The following WDR17 variants were observed in gnomAD, a reference collection of about 807,000 sequenced individuals.
The protein encoded by WDR17 is WD repeat-containing protein 17.
A neutral mutation model predicts 161.7 loss-of-function variants in WDR17; 143 were observed. The observed-to-expected ratio is 0.88, with a 90% CI of 0.77 to 1.02. The LOEUF is 1.02. Ranked by LOEUF, WDR17 falls within the 50% of genes least tolerant of loss-of-function variation. WDR17 has a pLI of 0.00. For missense variants in WDR17, 1,469 were observed against 1,520.9 expected (o/e 0.97, Z 0.57); for synonymous variants, 517 against 515.6 (o/e 1.00, Z -0.04).
chr4:176,088,985 G>T (rs375782277), intron 1 of WDR17, among the ~76,000 whole-genome samples: 2 of 152,196 alleles, frequency 1.3e-5, no homozygotes, highest in South Asian at 2.1e-4. Context: ...GTGAAAAGGA[G>T]AAATGAAATT....
At chr4:176,129,531 T>C (rs941899699) in intron 6 of WDR17, among the ~76,000 whole-genome samples, 3 of 152,186 alleles carry the variant, frequency 2.0e-5, no homozygotes, top group Non-Finnish European at 2.9e-5. Flanking sequence ...AAGTCTATCA[T>C]GATTACTCTG....
rs76737914 is a variant in WDR17, at chr4:176,096,099, G to A, written c.-6-15476G>A. ...CATTGTATACCTTTTAACTTAGAAAGCTTCAGTTCCTGAGGTTGAAAATGT... is the reference window on the plus strand; with the variant it reads ...CATTGTATACCTTTTAACTTAGAAAACTTCAGTTCCTGAGGTTGAAAATGT... On this transcript the variant is annotated intron_variant, in intron 1 of 28. Transcript: ENST00000508596. Among the ~76,000 whole-genome samples, 1,164 of 152,078 alleles carry A rather than the reference G, an allele frequency of 7.7e-3. 48 individuals are homozygous for A. In the East Asian group the frequency reaches 0.11, roughly 14 times the overall value.
In WDR17 at chr4:176,146,007, C is replaced by T. The variant is rs149339617; in HGVS notation, c.1542C>T (p.Ala514=). The change falls in exon 12 of 29, where the codon GCC becomes GCT. Residue 514 remains alanine, a synonymous_variant. Transcript: ENST00000508596. ...GATGATATTTCAGAGACATGATAGCCACTGGCTGTGAAGACACAAATGTTC... is the reference window on the plus strand; with the variant it reads ...GATGATATTTCAGAGACATGATAGCTACTGGCTGTGAAGACACAAATGTTC... ...DWSQNNKDMI[A]TGCEDTNVRV... The T allele has an allele frequency of 4.3e-6, 7 of 1,612,942 alleles. No individual in the cohort carries two copies. In the African/African-American group the frequency reaches 8.0e-5, roughly 18 times the overall value.
At chr4:176,147,005 T>C (rs1746283959) in intron 12 of WDR17, among the ~76,000 whole-genome samples, 1 of 152,072 alleles carries the variant, frequency 6.6e-6, no homozygotes, top group African/African-American at 2.4e-5. Flanking sequence ...TAGCTGGGAC[T>C]ACAGGTGTGC....
At chr4:176,159,566 T>G (rs1334175855) in intron 18 of WDR17, among the ~76,000 whole-genome samples, 1 of 152,202 alleles carries the variant, frequency 6.6e-6, no homozygotes, top group Non-Finnish European at 1.5e-5. Flanking sequence ...CTACTTGAGT[T>G]TCAAGCCTCT....
At chr4:176,122,427 T>G (rs1741748914) in intron 4 of WDR17, among the ~76,000 whole-genome samples, 1 of 152,224 alleles carries the variant, frequency 6.6e-6, no homozygotes, top group African/African-American at 2.4e-5. Flanking sequence ...CAATACAGAC[T>G]TGTTAACCTC....
intron 1 of WDR17, among the ~76,000 whole-genome samples, chr4:176,094,407 GAA>G (rs1736536448): frequency 6.6e-6 from 1 of 152,152 alleles, no homozygotes; most frequent in Non-Finnish European, 1.5e-5. Flanking sequence ...ATATAGATAT[GAA>G]GGAGCACAGA....
intron 1 of WDR17, among the ~76,000 whole-genome samples, chr4:176,076,236 TATA>T (rs1238855449): frequency 5.4e-5 from 2 of 37,024 alleles, no homozygotes; most frequent in Admixed American, 2.1e-4. Flanking sequence ...TATATATATA[TATA>T]TATATATATA....
At chr4:176,085,654 C>G (rs1413925128) in intron 1 of WDR17, among the ~76,000 whole-genome samples, 1 of 151,642 alleles carries the variant, frequency 6.6e-6, no homozygotes, top group Admixed American at 6.6e-5. Context: ...TTTTTTTATT[C>G]CTGATAAGGA....
intron 22 of WDR17, among the ~76,000 whole-genome samples, chr4:176,166,660 G>A (rs990509138): frequency 2.4e-4 from 37 of 152,046 alleles, no homozygotes; most frequent in Admixed American, 2.6e-4. Flanking sequence ...TAGAATTTTA[G>A]CACAGCTATT....
intron 1 of WDR17, among the ~76,000 whole-genome samples, chr4:176,092,722 C>A (rs773192148): frequency 2.0e-5 from 3 of 152,118 alleles, no homozygotes; most frequent in African/African-American, 4.8e-5. Flanking sequence ...AGCAGCATTT[C>A]TATATGCCAA....
At chr4:176,077,779 C>CT (rs1734241146) in intron 1 of WDR17, among the ~76,000 whole-genome samples, 1 of 151,534 alleles carries the variant, frequency 6.6e-6, no homozygotes, top group African/African-American at 2.4e-5. Flanking sequence ...ACTGTGCTGG[C>CT]TTTTTTCAAG....
intron 13 of WDR17, among the ~76,000 whole-genome samples, chr4:176,149,321 G>A (rs1306099782): frequency 6.6e-6 from 1 of 151,644 alleles, no homozygotes; most frequent in Admixed American, 6.6e-5. Context: ...CCAGGATGGT[G>A]TACAGTGGCG....
At chr4:176,123,901 C>T (rs868725953) in intron 4 of WDR17, among the ~76,000 whole-genome samples, 1 of 152,312 alleles carries the variant, frequency 6.6e-6, no homozygotes. Context: ...TGACCAGTCC[C>T]CATTGTGAAG....
intron 1 of WDR17, among the ~76,000 whole-genome samples, chr4:176,104,895 TTGTAAA>T (rs1450949840): frequency 6.6e-6 from 1 of 151,916 alleles, no homozygotes; most frequent in African/African-American, 2.4e-5. Flanking sequence ...TCAGGAATTA[TTGTAAA>T]TGTAAATGGA....
chr4:176,066,848 A>G (rs1352830340), intron 1 of WDR17, among the ~76,000 whole-genome samples: 1 of 150,754 alleles, frequency 6.6e-6, no homozygotes, highest in Non-Finnish European at 1.5e-5. Flanking sequence ...AGAGAAAACT[A>G]TCAAAAAAAC....
At chr4:176,132,176 CT>C (rs1241870679) in intron 7 of WDR17, among the ~76,000 whole-genome samples, 1 of 151,148 alleles carries the variant, frequency 6.6e-6, no homozygotes, top group Non-Finnish European at 1.5e-5. Context: ...TCTATGAATT[CT>C]GTTTTTATGA....
At chr4:176,179,371 T>G in intron 28 of WDR17, 89 bp from the exon 29 acceptor site, 1 of 1,286,886 alleles carries the variant, frequency 7.8e-7, no homozygotes, top group Non-Finnish European at 1.0e-6. Context: ...TATGTTTTTT[T>G]TTATTGCAGT....
chr4:176,093,540 C>T (rs909622813), intron 1 of WDR17, among the ~76,000 whole-genome samples: 16 of 152,024 alleles, frequency 1.1e-4, no homozygotes, highest in Non-Finnish European at 1.8e-4. Flanking sequence ...TTATTTCTAT[C>T]ACTAATTTTA....
Sources: allele counts gnomAD v4.1 joint callset (sites outside exome capture counted in the v4.1 genomes callset), GRCh38; gene constraint gnomAD v4.1.1; transcripts MANE v1.5; gene names NCBI Gene and HGNC (gene_info 2026-07-23, HGNC 2026-07-21).